The following ZNF248 variants were observed in gnomAD, a reference collection of about 807,000 sequenced individuals.
ZNF248 encodes the protein zinc finger protein 248.
Under a neutral mutation model 44.3 loss-of-function variants are expected in ZNF248, and 20 were observed. That is an observed-to-expected ratio of 0.45 (90% confidence interval 0.32 to 0.66). The LOEUF is 0.66. ZNF248 is among the 30% of genes least tolerant of loss of function. ZNF248 has a pLI of 0.04. For missense variants in ZNF248, 654 were observed against 677.0 expected, an observed-to-expected ratio of 0.97 and a Z score of 0.38; for synonymous variants, 224 against 229.0, an observed-to-expected ratio of 0.98 and a Z score of 0.20.
At chr10:37,796,221 A>G (rs2049138468) in intron 6 of ZNF248, 1 of 148,452 alleles carries the variant, frequency 6.7e-6, no homozygotes, top group Non-Finnish European at 1.5e-5. Context: ...TCTTTATAAT[A>G]CTTTTTTTTT....
downstream of ZNF248, among the ~76,000 whole-genome samples, chr10:37,824,567 G>A (rs917793397): frequency 1.3e-5 from 2 of 150,372 alleles, no homozygotes; most frequent in African/African-American, 4.9e-5. Context: ...TACTTGATAT[G>A]GAAATATAAA....
rs917984783 is a variant in ZNF248 at position 37,830,575 on chromosome 10, G to A, written c.*1040C>T. The A allele has an allele frequency of 3.0e-6, 3 of 985,286 alleles. No homozygotes were observed. Among genetic ancestry groups the A allele is most frequent in the African/African-American group, 1.7e-5 (1 of 57,230 alleles). 61.0% of individuals were successfully genotyped at this position (985,286 alleles called of 1,614,324 possible). A position where few individuals can be genotyped will look rare whatever the true frequency, so the allele number is the denominator to read the frequency against. On this transcript the variant is annotated 3_prime_UTR_variant, in exon 6 of 6. Transcript: ENST00000395867. ...TTATGTCAGGAAATAGAAGGGGTATGTGGTTTGTATTGCCAAATACGTTTT... is the reference window on the plus strand; with the variant it reads ...TTATGTCAGGAAATAGAAGGGGTATATGGTTTGTATTGCCAAATACGTTTT...
intron 6 of ZNF248, among the ~76,000 whole-genome samples, chr10:37,779,241 T>C (rs1266494907): frequency 6.6e-6 from 1 of 152,230 alleles, no homozygotes; most frequent in East Asian, 1.9e-4. Flanking sequence ...ACATCCTTGA[T>C]GAACATTGAT....
chr10:37,782,370 A>ATAAGATGCTGGG (rs2047412872), intron 6 of ZNF248, among the ~76,000 whole-genome samples: 1 of 152,118 alleles, frequency 6.6e-6, no homozygotes, highest in African/African-American at 2.4e-5. Flanking sequence ...CTGGGGTTAG[A>ATAAGATGCTGGG]GTTAATGCTG....
chr10:37,772,323 G>A (rs186265620), downstream of ZNF248, among the ~76,000 whole-genome samples: 143 of 151,820 alleles, frequency 9.4e-4, no homozygotes, highest in Admixed American at 1.5e-3. Context: ...TTTTTAGAGC[G>A]CCATACTATC....
At chr10:37,768,484 A>G in the ZNF248 span, among the ~76,000 whole-genome samples, 36 of 152,350 alleles carry the variant, frequency 2.4e-4, no homozygotes, top group African/African-American at 6.7e-4. Context: ...AAATCGCTCA[A>G]CTACATGGAA....
chr10:37,766,997 T>G, the ZNF248 span, among the ~76,000 whole-genome samples: 1 of 152,092 alleles, frequency 6.6e-6, no homozygotes, highest in South Asian at 2.1e-4. Flanking sequence ...CAGGAGCCGA[T>G]GCAATCAACT....
intron 6 of ZNF248, among the ~76,000 whole-genome samples, chr10:37,777,641 C>T (rs970441062): frequency 3.6e-4 from 54 of 149,236 alleles, no homozygotes; most frequent in Admixed American, 8.0e-4. Flanking sequence ...CCCACCAACT[C>T]GTCATCTAGC....
chr10:37,819,612 G>A (rs545583014), intron 6 of ZNF248: 85 of 838,474 alleles, frequency 1.0e-4, no homozygotes, highest in East Asian at 7.5e-4. Context: ...TCCCCGATAC[G>A]TAGATTTCTA....
chr10:37,831,094 C>A lies in ZNF248; in HGVS notation c.*521G>T. The A allele has an allele frequency of 1.5e-6, 2 of 1,371,956 alleles. No individual in the cohort carries two copies. Among genetic ancestry groups the A allele is most frequent in the Admixed American group, 3.2e-5 (1 of 31,544 alleles). 85.0% of individuals were successfully genotyped at this position (1,371,956 alleles called of 1,614,324 possible). A position where few individuals can be genotyped will look rare whatever the true frequency, so the allele number is the denominator to read the frequency against. On this transcript the variant is annotated 3_prime_UTR_variant, in exon 6 of 6. Transcript: ENST00000395867. ...TAATTATGTCAACCTATAAAGACAC[C>A]AATGGTATTTAGTGTAGAAAATATT... is the stretch of plus-strand genomic sequence containing the variant.
intron 6 of ZNF248, chr10:37,820,587 A>G: frequency 6.3e-7 from 1 of 1,597,214 alleles, no homozygotes; most frequent in Non-Finnish European, 8.6e-7. Context: ...AACTCAAAGT[A>G]ATCACTAATT....
At chr10:37,853,485 C>T (rs2060686692) in intron 3 of ZNF248, among the ~76,000 whole-genome samples, 1 of 152,190 alleles carries the variant, frequency 6.6e-6, no homozygotes, top group Non-Finnish European at 1.5e-5. Flanking sequence ...TCACTCCATT[C>T]TCCTGCCTCA....
chr10:37,825,223 A>G (rs2054188455), downstream of ZNF248, among the ~76,000 whole-genome samples: 1 of 152,180 alleles, frequency 6.6e-6, no homozygotes, highest in African/African-American at 2.4e-5. Flanking sequence ...TAGCTATTAT[A>G]AAATGATGAG....
chr10:37,832,826 C>CA lies in ZNF248; in HGVS notation c.528dup (p.Asp177Ter). 1.9e-6 allele frequency: 3 copies of CA among 1,613,832 alleles called. No individual in the cohort carries two copies. Among genetic ancestry groups the CA allele is most frequent in the Non-Finnish European group, 2.5e-6 (3 of 1,179,852 alleles). On this transcript the variant is annotated frameshift_variant, in exon 6 of 6. Coordinates refer to ENST00000395867, the MANE Select transcript of ZNF248 (RefSeq NM_021045.3). LOFTEE classifies it high-confidence loss of function. ...ATAGGGATTTTCTCATGCCTAATATCAAGGAGCAATTTCTCACATACATTA... is the reference window on the plus strand; with the variant it reads ...ATAGGGATTTTCTCATGCCTAATATCAAAGGAGCAATTTCTCACATACATTA...
intron 6 of ZNF248, among the ~76,000 whole-genome samples, chr10:37,779,802 G>A (rs1409098206): frequency 2.0e-5 from 3 of 149,566 alleles, no homozygotes; most frequent in East Asian, 2.0e-4. Flanking sequence ...AAGCTGATAA[G>A]CAACTTCAGC....
chr10:37,780,746 C>T (rs983203911), intron 6 of ZNF248, among the ~76,000 whole-genome samples: 2 of 152,150 alleles, frequency 1.3e-5, no homozygotes, highest in African/African-American at 2.4e-5. Flanking sequence ...GGCCACCCTC[C>T]GACTCACAGG....
intron 6 of ZNF248, among the ~76,000 whole-genome samples, chr10:37,813,585 T>C (rs2051911666): frequency 6.6e-6 from 1 of 152,198 alleles, no homozygotes; most frequent in African/African-American, 2.4e-5. Flanking sequence ...ATAAACATTT[T>C]TATCTTCCTT....
At chr10:37,793,291 C>T (rs891486698) in intron 6 of ZNF248, among the ~76,000 whole-genome samples, 6 of 151,970 alleles carry the variant, frequency 3.9e-5, no homozygotes, top group Non-Finnish European at 7.4e-5. Context: ...GCCGAGATCA[C>T]GCCACTGCAC....
At chr10:37,806,072 G>C (rs1052355962) in intron 6 of ZNF248, among the ~76,000 whole-genome samples, 1 of 152,200 alleles carries the variant, frequency 6.6e-6, no homozygotes, top group Non-Finnish European at 1.5e-5. Flanking sequence ...ATATTGCACT[G>C]TGTGAACATA....
Sources: gnomAD v4.1 joint callset for allele counts (sites outside exome capture counted in the v4.1 genomes callset) on GRCh38, gnomAD v4.1.1 for gene constraint, MANE v1.5 for transcripts, NCBI Gene and HGNC (gene_info 2026-07-23, HGNC 2026-07-21) for gene names.